Variants in PRKN observed in about 807,000 individuals in gnomAD.
The protein encoded by PRKN is parkin RBR E3 ubiquitin protein ligase, also known as E3 ubiquitin-protein ligase parkin.
Under a neutral mutation model 59.5 loss-of-function variants are expected in PRKN, and 56 were observed. That is an observed-to-expected ratio of 0.94 (90% confidence interval 0.76 to 1.18). The LOEUF is 1.18. Ranked by LOEUF, PRKN falls within the 50% of genes most tolerant of loss-of-function variation. The probability of loss-of-function intolerance (pLI) is 0.00; values close to 1 mark genes in which losing one functional copy is unlikely to be tolerated. For missense variants in PRKN, 657 were observed against 596.4 expected (o/e 1.10, Z -1.06); for synonymous variants, 250 against 222.1 (o/e 1.13, Z -1.12).
At chr6:162,672,685 AGTGTGT>A (rs56722608) in intron 1 of PRKN, among the ~76,000 whole-genome samples, 61,820 of 148,930 alleles carry the variant, frequency 0.42, 13,153 homozygotes, top group Non-Finnish European at 0.48. Context: ...TTGGGGGAAA[AGTGTGT>A]GTGTGTGTGT....
At chr6:162,317,537 T>A (rs9456765) in intron 2 of PRKN, among the ~76,000 whole-genome samples, 34,448 of 151,886 alleles carry the variant, frequency 0.23, 4,793 homozygotes, top group East Asian at 0.52. Flanking sequence ...GGTATGCTAG[T>A]AGAAATTAAG....
At chr6:162,498,132 A>G (rs1408181404) in intron 1 of PRKN, among the ~76,000 whole-genome samples, 1 of 152,114 alleles carries the variant, frequency 6.6e-6, no homozygotes, top group Non-Finnish European at 1.5e-5. Flanking sequence ...TCTCTAAACC[A>G]GTTGTGTTCA....
At chr6:161,620,377 G>T (rs1283488669) in intron 7 of PRKN, among the ~76,000 whole-genome samples, 3 of 152,054 alleles carry the variant, frequency 2.0e-5, no homozygotes, top group Non-Finnish European at 2.9e-5. Flanking sequence ...ATTGTCCCAA[G>T]ACACCTTCTT....
At chr6:162,486,782 G>A (rs1792558316) in intron 1 of PRKN, among the ~76,000 whole-genome samples, 1 of 152,090 alleles carries the variant, frequency 6.6e-6, no homozygotes, top group African/African-American at 2.4e-5. Context: ...TATAAAAGTA[G>A]ATTTTGGCCA....
At position 161,561,560 on chromosome 6, in the gene PRKN, G is replaced by A. The variant is rs899839553; in HGVS notation, c.933+7795C>T. ...CTCCTCTTCACATCCCTGCAACTAT[G>A]AACACACCTGCACCTGCACTCACCC... On this transcript the variant is annotated intron_variant, in intron 8 of 11. Transcript: ENST00000366898. The surrounding 1 kb of genome is among the most constrained non-coding windows in gnomAD (Gnocchi z 5.0). 2.0e-5 allele frequency among the ~76,000 whole-genome samples: 3 copies of A among 152,054 alleles called. No homozygotes were observed. Among genetic ancestry groups the A allele is most frequent in the Admixed American group, 6.5e-5 (1 of 15,270 alleles).
At chr6:162,046,683 C>T (rs1168915970) in intron 5 of PRKN, among the ~76,000 whole-genome samples, 1 of 152,154 alleles carries the variant, frequency 6.6e-6, no homozygotes, top group Non-Finnish European at 1.5e-5. Flanking sequence ...ATTCAATTTT[C>T]CACCAGGTTA....
chr6:162,181,311 A>G (rs540660872), intron 4 of PRKN, among the ~76,000 whole-genome samples: 1 of 152,230 alleles, frequency 6.6e-6, no homozygotes, highest in Non-Finnish European at 1.5e-5. Flanking sequence ...AACCATTTGC[A>G]TATTTCTTTG....
chr6:162,038,608 T>A (rs943755504), intron 5 of PRKN, among the ~76,000 whole-genome samples: 11 of 152,204 alleles, frequency 7.2e-5, no homozygotes, highest in Admixed American at 6.5e-4. Flanking sequence ...TGAGCTATTG[T>A]CTACTAGGCT....
rs1309339625 is a variant in PRKN at position 161,448,790 on chromosome 6, C to T, written c.1084-61913G>A. ...AGCATTAGCTGTTCCTCTACCCTTT[C>T]GTTTCTTTGCTGGACAATCCTTATA... On this transcript the variant is annotated intron_variant, in intron 9 of 11. Coordinates refer to ENST00000366898, the MANE Select transcript of PRKN (RefSeq NM_004562.3). The surrounding 1 kb of genome is among the most constrained non-coding windows in gnomAD (Gnocchi z 5.1). Among the ~76,000 whole-genome samples, 2 of 152,164 alleles carry T rather than the reference C, an allele frequency of 1.3e-5. No individual in the cohort carries two copies. Among genetic ancestry groups the T allele is most frequent in the Non-Finnish European group, 1.5e-5 (1 of 68,036 alleles).
intron 2 of PRKN, among the ~76,000 whole-genome samples, chr6:162,393,172 T>TC (rs1327555675): frequency 1.2e-4 from 16 of 138,900 alleles, no homozygotes; most frequent in South Asian, 9.7e-4. Flanking sequence ...TTTTTTTTTT[T>TC]TTTTTGAGAC....
At chr6:162,122,925 T>C (rs1459693669) in intron 4 of PRKN, among the ~76,000 whole-genome samples, 1 of 151,876 alleles carries the variant, frequency 6.6e-6, no homozygotes, top group African/African-American at 2.4e-5. Context: ...TTCATTCGTG[T>C]CTTCTCAGCT....
intron 2 of PRKN, among the ~76,000 whole-genome samples, chr6:162,379,849 T>A (rs908044598): frequency 2.0e-5 from 3 of 152,308 alleles, no homozygotes; most frequent in African/African-American, 7.2e-5. Context: ...TTATACAATA[T>A]CTGCTTTTTA....
chr6:161,420,648 C>A (rs1482756056), intron 9 of PRKN, among the ~76,000 whole-genome samples: 2 of 151,950 alleles, frequency 1.3e-5, no homozygotes, highest in East Asian at 3.9e-4. Flanking sequence ...GAGCTGGGAC[C>A]ACAGGCACGC....
intron 7 of PRKN, among the ~76,000 whole-genome samples, chr6:161,751,782 G>C (rs555949811): frequency 6.6e-6 from 1 of 152,290 alleles, no homozygotes; most frequent in African/African-American, 2.4e-5. Flanking sequence ...GGGGTATAAA[G>C]AAAACAAAGA....
Position 161,463,514 on chromosome 6 carries a change from G to A in PRKN, c.1084-76637C>T, listed in dbSNP as rs151333797. Among the ~76,000 whole-genome samples the A allele has an allele frequency of 4.6e-5, 7 of 152,284 alleles. No homozygotes were observed. In the East Asian group the frequency reaches 1.2e-3, roughly 25 times the overall value. Reference sequence around the variant, plus strand: ...TTTTCTGAGGGCATCAACTACCAAGGTTGGAGGGATCTTTACATCAACCTA... The same window carrying A: ...TTTTCTGAGGGCATCAACTACCAAGATTGGAGGGATCTTTACATCAACCTA... On this transcript the variant is annotated intron_variant, in intron 9 of 11. Coordinates refer to ENST00000366898, the MANE Select transcript of PRKN (RefSeq NM_004562.3). This position sits in a 1 kb window ranked among gnomAD's most constrained non-coding sequence, Gnocchi z 4.8.
chr6:161,442,652 T>A lies in PRKN; in HGVS notation c.1084-55775A>T, dbSNP rs558862519. 6.6e-6 allele frequency among the ~76,000 whole-genome samples: 1 copy of A among 152,268 alleles called. No individual in the cohort carries two copies. Among genetic ancestry groups the A allele is most frequent in the South Asian group, 2.1e-4 (1 of 4,824 alleles). ...CTGTCTTGGACTGGACGGGCTGGAC[T>A]CCCAGCTGAAGGTGGCTTGGAATTT... On this transcript the variant is annotated intron_variant, in intron 9 of 11. Coordinates refer to ENST00000366898, the MANE Select transcript of PRKN (RefSeq NM_004562.3). The surrounding 1 kb of genome is among the most constrained non-coding windows in gnomAD (Gnocchi z 4.6).
Position 162,028,117 on chromosome 6 carries a change from T to C in PRKN, c.618+25974A>G, listed in dbSNP as rs968177064. Among the ~76,000 whole-genome samples the C allele has an allele frequency of 1.1e-4, 16 of 152,186 alleles. 1 individual carries two copies. Among genetic ancestry groups the C allele is most frequent in the African/African-American group, 3.6e-4 (15 of 41,428 alleles). Reference sequence around the variant, plus strand: ...GCTTTCCAGGAGAATTCTGTACAGCTTCAACTGTGCTCTTTTAGAAAAGCC... The same window carrying C: ...GCTTTCCAGGAGAATTCTGTACAGCCTCAACTGTGCTCTTTTAGAAAAGCC... On this transcript the variant is annotated intron_variant, in intron 5 of 11. Coordinates refer to ENST00000366898, the MANE Select transcript of PRKN (RefSeq NM_004562.3).
chr6:161,844,689 C>T (rs2128221276), intron 6 of PRKN, among the ~76,000 whole-genome samples: 1 of 152,362 alleles, frequency 6.6e-6, no homozygotes, highest in South Asian at 2.1e-4. Flanking sequence ...CCACCTTTCC[C>T]CGATTCTTGT....
rs546444958 is a variant in PRKN, at chr6:161,760,836, A to C, written c.871+24936T>G. ...AATCAAGTGTTGCTGATGTTCCCTA[A>C]TATTTGTGCGTTTTCAGCCTACACC... On this transcript the variant is annotated intron_variant, in intron 7 of 11. Coordinates refer to ENST00000366898, the MANE Select transcript of PRKN (RefSeq NM_004562.3). Among the ~76,000 whole-genome samples, 9 of 152,310 alleles carry C rather than the reference A, an allele frequency of 5.9e-5. No homozygotes were observed. In the South Asian group the frequency reaches 1.7e-3, roughly 28 times the overall value.
Sources: gnomAD v4.1 joint callset for allele counts (sites outside exome capture counted in the v4.1 genomes callset) on GRCh38, gnomAD v4.1.1 for gene constraint, Gnocchi (gnomAD v3.1) non-coding constraint, MANE v1.5 for transcripts, NCBI Gene and HGNC (gene_info 2026-07-23, HGNC 2026-07-21) for gene names.